CERS3: variants seen among roughly 807,000 people sequenced by gnomAD.
CERS3 encodes ceramide synthase 3.
A neutral mutation model predicts 50.3 loss-of-function variants in CERS3; 33 were observed. The observed-to-expected ratio is 0.66, with a 90% CI of 0.50 to 0.88. CERS3 has a LOEUF of 0.88. Ranked by LOEUF, CERS3 falls within the 40% of genes least tolerant of loss-of-function variation. The pLI, the probability that CERS3 is intolerant of heterozygous loss-of-function variation, is 0.00. For missense variants in CERS3, 470 were observed against 460.3 expected, an observed-to-expected ratio of 1.02 and a Z score of -0.19; for synonymous variants, 176 against 155.2, an observed-to-expected ratio of 1.13 and a Z score of -0.99.
chr15:100,449,797 T>A, intron 11 of CERS3, among the ~76,000 whole-genome samples: 1 of 152,196 alleles, frequency 6.6e-6, no homozygotes, highest in East Asian at 1.9e-4. Flanking sequence ...TTATACCAGA[T>A]GTGTAGATAT....
At chr15:100,407,631 C>T (rs997738843) in intron 11 of CERS3, among the ~76,000 whole-genome samples, 7 of 151,978 alleles carry the variant, frequency 4.6e-5, no homozygotes, top group Non-Finnish European at 1.0e-4. Flanking sequence ...GTTTGCCCTC[C>T]ATATCTGTGG....
intron 3 of CERS3, among the ~76,000 whole-genome samples, chr15:100,491,291 T>C (rs118177745): frequency 0.024 from 3,621 of 152,300 alleles, 66 homozygotes; most frequent in Middle Eastern, 0.092. Context: ...GGTGTTATTA[T>C]CTTAAAGAAA....
Position 100,484,621 on chromosome 15 carries a change from C to G in CERS3, c.336G>C (p.Gln112His). The change falls in exon 5 of 12, where the codon CAG becomes CAC. Residue 112 changes from glutamine (Q) to histidine (H), a missense_variant. Gln to His is a conservative substitution (Grantham distance 24). Coordinates refer to ENST00000679737, the MANE Select transcript of CERS3 (RefSeq NM_001378789.1). ...LAKKCNLTER[Q>H]VERWFRSRRN... ...GCCGACTCCTAAACCATCTTTCCAC[C>G]TGGCGCTCCGTCAAGTTACACTTCT... The G allele has an allele frequency of 6.2e-7, 1 of 1,614,192 alleles. No homozygotes were observed. Among genetic ancestry groups the G allele is most frequent in the Non-Finnish European group, 8.5e-7 (1 of 1,180,026 alleles).
At chr15:100,513,108 C>A (rs951621272) in intron 2 of CERS3, among the ~76,000 whole-genome samples, 4 of 152,200 alleles carry the variant, frequency 2.6e-5, no homozygotes, top group Non-Finnish European at 5.9e-5. Flanking sequence ...GAGCTCTCCC[C>A]TCATGGTCTT....
chr15:100,532,494 G>A (rs1000806200), upstream of CERS3, among the ~76,000 whole-genome samples: 7 of 152,102 alleles, frequency 4.6e-5, no homozygotes, highest in African/African-American at 1.2e-4. Flanking sequence ...TGCCAGGTGC[G>A]ATGGCTCATG....
intron 3 of CERS3, among the ~76,000 whole-genome samples, chr15:100,498,007 C>T (rs1370622885): frequency 6.6e-6 from 1 of 151,528 alleles, no homozygotes; most frequent in Non-Finnish European, 1.5e-5. Context: ...GATTCTCCTG[C>T]CTCAGCCTCA....
intron 11 of CERS3, among the ~76,000 whole-genome samples, chr15:100,425,174 G>C (rs1393688987): frequency 6.6e-6 from 1 of 152,212 alleles, no homozygotes; most frequent in Admixed American, 6.5e-5. Flanking sequence ...CAGTGCAGAG[G>C]GGAAATGTAG....
intron 11 of CERS3, among the ~76,000 whole-genome samples, chr15:100,442,506 C>A (rs903915416): frequency 1.3e-5 from 2 of 152,206 alleles, no homozygotes; most frequent in African/African-American, 4.8e-5. Flanking sequence ...TTCCAAATAC[C>A]TGAACTGCAG....
Position 100,402,679 on chromosome 15 carries a change from C to T in CERS3, c.*34G>A, listed in dbSNP as rs375772958. 1 of 1,604,196 alleles carries T rather than the reference C, an allele frequency of 6.2e-7. No individual in the cohort carries two copies. The highest frequency in any genetic ancestry group is 8.5e-7 in the Non-Finnish European group (1 of 1,175,960). On this transcript the variant is annotated 3_prime_UTR_variant, in exon 12 of 12. Coordinates refer to ENST00000679737, the MANE Select transcript of CERS3 (RefSeq NM_001378789.1). ...GCCAGGCTGCCAACAGTACTTGCAG[C>T]ATGCTGTGCCATGGGAGTCCTGTAG...
At chr15:100,443,309 C>T (rs978846217) in intron 11 of CERS3, among the ~76,000 whole-genome samples, 716 of 147,100 alleles carry the variant, frequency 4.9e-3, no homozygotes, top group African/African-American at 0.018. Flanking sequence ...TTTGAAAAGA[C>T]TAAAGCCTGT....
chr15:100,407,461 C>T (rs991279610), intron 11 of CERS3, among the ~76,000 whole-genome samples: 10 of 152,228 alleles, frequency 6.6e-5, no homozygotes, highest in African/African-American at 1.2e-4. Context: ...TCACATGTCC[C>T]GTCAGGCATG....
intron 7 of CERS3, among the ~76,000 whole-genome samples, chr15:100,477,884 A>C (rs1272700388): frequency 6.6e-6 from 1 of 152,218 alleles, no homozygotes; most frequent in African/African-American, 2.4e-5. Flanking sequence ...CAAAGACTGA[A>C]GTCTACCTTG....
chr15:100,515,988 A>C (rs2036477564), intron 2 of CERS3, among the ~76,000 whole-genome samples: 1 of 152,102 alleles, frequency 6.6e-6, no homozygotes, highest in Admixed American at 6.5e-5. Context: ...GGCACAAGTG[A>C]CTGGTCCAGG....
chr15:100,477,605 C>A (rs1303101198), intron 7 of CERS3, among the ~76,000 whole-genome samples: 1 of 152,154 alleles, frequency 6.6e-6, no homozygotes, highest in African/African-American at 2.4e-5. Flanking sequence ...TTGAGAAGTA[C>A]TGTAGGCCCT....
intron 1 of CERS3, among the ~76,000 whole-genome samples, chr15:100,526,791 C>G (rs1438718446): frequency 2.6e-5 from 4 of 151,960 alleles, no homozygotes; most frequent in African/African-American, 9.7e-5. Flanking sequence ...TGGTGATACC[C>G]CCAATCCTAG....
At chr15:100,504,942 T>C (rs1412917106) in intron 2 of CERS3, among the ~76,000 whole-genome samples, 1 of 152,226 alleles carries the variant, frequency 6.6e-6, no homozygotes, top group African/African-American at 2.4e-5. Flanking sequence ...TACACAAGCC[T>C]TTGAGTCAAA....
intron 11 of CERS3, among the ~76,000 whole-genome samples, chr15:100,436,346 A>G (rs1364569875): frequency 6.6e-6 from 1 of 152,212 alleles, no homozygotes; most frequent in Non-Finnish European, 1.5e-5. Flanking sequence ...GCTGGAAACC[A>G]TCATTCTCAG....
chr15:100,514,318 G>T (rs1267913438), intron 2 of CERS3, among the ~76,000 whole-genome samples: 2 of 152,144 alleles, frequency 1.3e-5, no homozygotes, highest in Non-Finnish European at 2.9e-5. Flanking sequence ...TTCTTTAATT[G>T]ACACTTATTA....
chr15:100,528,644 C>G (rs1412673938), intron 1 of CERS3, among the ~76,000 whole-genome samples, 169 bp downstream of exon 1: 1 of 152,088 alleles, frequency 6.6e-6, no homozygotes, highest in Non-Finnish European at 1.5e-5. Flanking sequence ...AACATCAGAC[C>G]AAAAATGAAC....
Sources: allele counts gnomAD v4.1 joint callset (sites outside exome capture counted in the v4.1 genomes callset), GRCh38; gene constraint gnomAD v4.1.1; transcripts MANE v1.5; gene names NCBI Gene and HGNC (gene_info 2026-07-23, HGNC 2026-07-21).